The following CACNA1H variants were observed in gnomAD, a reference collection of about 807,000 sequenced individuals.
The protein encoded by CACNA1H is voltage-dependent T-type calcium channel subunit alpha-1H.
A neutral mutation model predicts 192.5 loss-of-function variants in CACNA1H; 149 were observed. The observed-to-expected ratio is 0.77, with a 90% CI of 0.68 to 0.89. The LOEUF (loss-of-function observed/expected upper bound fraction) is 0.89. Among genes scored for constraint, CACNA1H ranks in the 40% least tolerant of loss-of-function variants. The probability of loss-of-function intolerance (pLI) is 0.00; values close to 1 mark genes in which losing one functional copy is unlikely to be tolerated. For missense variants in CACNA1H, 4,257 were observed against 3,423.5 expected (o/e 1.24, Z -6.08); for synonymous variants, 2,202 against 1,475.2 (o/e 1.49, Z -11.29).
chr16:1,220,110 C>A lies in CACNA1H; in HGVS notation c.6178C>A (p.Arg2060Ser). Residue 2060 changes from arginine to serine, a missense_variant, in exon 35 of 35, where the codon CGC (arginine) becomes AGC (serine). By Grantham distance (110) the Arg-to-Ser change is moderately radical (BLOSUM62 -1). Transcript: ENST00000348261. The part of the protein sequence containing the change: ...TQGGSLQSPP[R>S]SPRPASVRTR... ...GGGGGGCTCCCTGCAGTCCCCACCA[C>A]GCTCCCCACGGCCCGCCAGCGTCCG... is the stretch of plus-strand genomic sequence containing the variant. 1 of 1,488,638 alleles carries A rather than the reference C, an allele frequency of 6.7e-7. No homozygotes were observed. The highest frequency in any genetic ancestry group is 8.9e-7 in the Non-Finnish European group (1 of 1,121,744). The allele number at this position is 1,488,638 out of a possible 1,614,324, so 92.2% of individuals were successfully genotyped here.
chr16:1,183,333 C>G (rs1025627581), intron 2 of CACNA1H, among the ~76,000 whole-genome samples: 1 of 152,214 alleles, frequency 6.6e-6, no homozygotes, highest in Non-Finnish European at 1.5e-5. Flanking sequence ...AGTTAAAACC[C>G]TGCGGTGGCT....
At chr16:1,162,255 C>T (rs766402045) in intron 2 of CACNA1H, among the ~76,000 whole-genome samples, 1 of 152,140 alleles carries the variant, frequency 6.6e-6, no homozygotes, top group Non-Finnish European at 1.5e-5. Flanking sequence ...CTGTGGCACT[C>T]TGTTACAGCT....
chr16:1,219,107 C>T lies in CACNA1H; in HGVS notation c.6025C>T (p.Leu2009Phe), dbSNP rs1970273640. The stretch of plus-strand genomic sequence containing the variant: ...TCGGGGCACAGCCCGCTCCCCCAGT[C>T]TCAGCCGGCTGCTCTGCAGACAGGT... Reference protein sequence around the residue: ...SPRGTARSPSLSRLLCRQEAV... With the variant: ...SPRGTARSPSFSRLLCRQEAV... Residue 2009 changes from leucine to phenylalanine, a missense_variant, in exon 34 of 35, where the codon CTC (leucine) becomes TTC (phenylalanine). Physicochemically the swap from Leu to Phe is conservative, Grantham distance 22. Coordinates refer to ENST00000348261, the MANE Select transcript of CACNA1H (RefSeq NM_021098.3). 3.2e-6 allele frequency: 5 copies of T among 1,544,476 alleles called. No homozygotes were observed. The highest frequency in any genetic ancestry group is 1.4e-5 in the African/African-American group (1 of 72,950).
At chr16:1,195,839 T>C in intron 4 of CACNA1H, 87 bp from the exon 5 acceptor site, 1 of 1,100,450 alleles carries the variant, frequency 9.1e-7, no homozygotes, top group Non-Finnish European at 1.4e-6. Context: ...GCCGGTTCTA[T>C]GCCTGCCCAC....
At chr16:1,216,800 T>G in intron 30 of CACNA1H, 132 bp from the exon 31 acceptor site, 1 of 618,336 alleles carries the variant, frequency 1.6e-6, no homozygotes, top group Non-Finnish European at 2.6e-6. Flanking sequence ...TGCTTCCACT[T>G]GGCCGGGCCC....
intron 2 of CACNA1H, among the ~76,000 whole-genome samples, chr16:1,191,041 C>T (rs1232519360): frequency 4.8e-5 from 7 of 145,882 alleles, no homozygotes; most frequent in Non-Finnish European, 9.1e-5. Flanking sequence ...GTCTCTGACC[C>T]AGCAGGCTGG....
rs749305814 is a variant in CACNA1H, at chr16:1,200,336, G to T, written c.884G>T (p.Arg295Leu). Residue 295 changes from arginine (R) to leucine (L), a missense_variant, in exon 7 of 35, where the codon CGA (arginine) becomes CTA (leucine). Physicochemically the swap from Arg to Leu is moderately radical, Grantham distance 102. Coordinates refer to ENST00000348261, the MANE Select transcript of CACNA1H (RefSeq NM_021098.3). ...EENPFICSSRRDNGMQKCSHI... is the reference protein window; with the variant it reads ...EENPFICSSRLDNGMQKCSHI... ...AACCCGTTCATCTGCTCCTCACGCC[G>T]AGACAACGGCATGCAGAAGTGCTCG... 1 of 1,603,232 alleles carries T rather than the reference G, an allele frequency of 6.2e-7. No homozygotes were observed. The highest frequency in any genetic ancestry group is 2.3e-5 in the East Asian group (1 of 44,418).
chr16:1,190,983 G>GCT (rs1966559474), intron 2 of CACNA1H, among the ~76,000 whole-genome samples: 1 of 109,982 alleles, frequency 9.1e-6, no homozygotes, highest in African/African-American at 3.8e-5. Context: ...TCGGGGTTTC[G>GCT]GTGACCCAGC....
At chr16:1,201,283 A>G (rs1473173674) in intron 8 of CACNA1H, among the ~76,000 whole-genome samples, 1 of 152,126 alleles carries the variant, frequency 6.6e-6, no homozygotes, top group African/African-American at 2.4e-5. Flanking sequence ...AGCGAAGCGA[A>G]CGATTAGAGA....
rs1181640381 is a variant in CACNA1H at position 1,221,683 on chromosome 16, T to C, written c.*689T>C. The C allele has an allele frequency of 2.6e-6, 3 of 1,165,504 alleles. No homozygotes were observed. In the African/African-American group the frequency reaches 4.6e-5, roughly 18 times the overall value. 72.2% of individuals were successfully genotyped at this position (1,165,504 alleles called of 1,614,324 possible). ...CGTGTGCTTTTAAATTCAGGTTAAA[T>C]GTTGCAATAATCTGATGCAGAAGAC... On this transcript the variant is annotated 3_prime_UTR_variant, in exon 35 of 35. Transcript: ENST00000348261.
At chr16:1,154,936 C>A (rs909142465) in intron 2 of CACNA1H, among the ~76,000 whole-genome samples, 1 of 152,168 alleles carries the variant, frequency 6.6e-6, no homozygotes, top group Admixed American at 6.5e-5. Flanking sequence ...CCCCACCGGC[C>A]CTTCTGAGCC....
chr16:1,212,157 C>T lies in CACNA1H; in HGVS notation c.4759+19C>T, dbSNP rs757614403. On this transcript the variant is annotated intron_variant, in intron 25 of 34. Coordinates refer to ENST00000348261, the MANE Select transcript of CACNA1H (RefSeq NM_021098.3). ...CGCAGGAGTAAGGCGCTCCCGGTGGCGGTGGCGGTGGCGGGTCGGTACCTG... is the reference window on the plus strand; with the variant it reads ...CGCAGGAGTAAGGCGCTCCCGGTGGTGGTGGCGGTGGCGGGTCGGTACCTG... The T allele has an allele frequency of 2.3e-5, 37 of 1,591,238 alleles. No individual in the cohort carries two copies. The highest frequency in any genetic ancestry group is 1.4e-4 in the Admixed American group (8 of 58,902).
chr16:1,210,738 C>T, intron 20 of CACNA1H, 49 bp from the exon 21 acceptor site: 1 of 1,588,604 alleles, frequency 6.3e-7, no homozygotes, highest in Admixed American at 1.7e-5. Flanking sequence ...GCCAGCTCCC[C>T]AGACCCCCCA....
intron 2 of CACNA1H, among the ~76,000 whole-genome samples, chr16:1,166,169 T>G (rs1596307220): frequency 6.6e-6 from 1 of 152,078 alleles, no homozygotes; most frequent in African/African-American, 2.4e-5. Context: ...GAGAGGACAG[T>G]GGGTGTTGGG....
chr16:1,155,653 G>A (rs1962252881), intron 2 of CACNA1H, among the ~76,000 whole-genome samples: 1 of 151,784 alleles, frequency 6.6e-6, no homozygotes, highest in African/African-American at 2.4e-5. Context: ...CCCCAAGCAG[G>A]GCATGGACTC....
rs371063958 is a variant in CACNA1H at position 1,165,728 on chromosome 16, G to A, written c.299+11692G>A. On this transcript the variant is annotated intron_variant, in intron 2 of 34. Transcript: ENST00000348261. ...GGGGCTGCCTCCCTGCCCCCACCCCGGCTCACAGTGCGGGTGGCTCCCGGC... is the reference window on the plus strand; with the variant it reads ...GGGGCTGCCTCCCTGCCCCCACCCCAGCTCACAGTGCGGGTGGCTCCCGGC... Among the ~76,000 whole-genome samples, 8 of 152,294 alleles carry A rather than the reference G, an allele frequency of 5.3e-5. No individual in the cohort carries two copies. In the East Asian group the frequency reaches 1.5e-3, roughly 29 times the overall value.
At chr16:1,168,335 T>G (rs1338994510) in intron 2 of CACNA1H, among the ~76,000 whole-genome samples, 1 of 151,948 alleles carries the variant, frequency 6.6e-6, no homozygotes, top group Non-Finnish European at 1.5e-5. Context: ...CAGGAAGGTC[T>G]GAAGCTGGTA....
chr16:1,185,592 C>T lies in CACNA1H; in HGVS notation c.300-9380C>T, dbSNP rs545608960. 5.4e-3 allele frequency among the ~76,000 whole-genome samples: 374 copies of T among 69,688 alleles called. 20 individuals carry two copies. The highest frequency in any genetic ancestry group is 0.016 in the African/African-American group (206 of 12,634). 45.7% of individuals were successfully genotyped at this position (69,688 alleles called of 152,430 possible). On this transcript the variant is annotated intron_variant, in intron 2 of 34. Transcript: ENST00000348261. Reference sequence around the variant, plus strand: ...CGGGGGTCCATGGCGGGTGAGTAGACGGTCAGCGTGCGTAGGGGCCGGAGG... The same window carrying T: ...CGGGGGTCCATGGCGGGTGAGTAGATGGTCAGCGTGCGTAGGGGCCGGAGG...
intron 26 of CACNA1H, 110 bp from the exon 27 acceptor site, chr16:1,213,670 C>G: frequency 5.4e-6 from 4 of 738,954 alleles, no homozygotes; most frequent in South Asian, 2.3e-5. Context: ...GAGCCGTGGG[C>G]CCCCAACTTC....
Sources: allele counts gnomAD v4.1 joint callset (sites outside exome capture counted in the v4.1 genomes callset), GRCh38; gene constraint gnomAD v4.1.1; transcripts MANE v1.5; gene names NCBI Gene and HGNC (gene_info 2026-07-23, HGNC 2026-07-21).